Variants in HSCB observed in about 807,000 individuals in gnomAD.
HSCB encodes HscB mitochondrial iron-sulfur cluster cochaperone, also known as iron-sulfur cluster co-chaperone protein HscB.
Under a neutral mutation model 31.3 loss-of-function variants are expected in HSCB, and 23 were observed. The ratio of observed to expected loss-of-function variants is 0.74; its 90% CI spans 0.53 to 1.04. The LOEUF is 1.04. Ranked by LOEUF, HSCB falls within the 50% of genes least tolerant of loss-of-function variation. HSCB has a pLI of 0.00. For synonymous variants in HSCB, 110 were observed against 104.5 expected (o/e 1.05, Z -0.32); for missense variants, 297 against 288.1 (o/e 1.03, Z -0.22).
At chr22:28,750,272 A>C (rs1034903900) in intron 4 of HSCB, among the ~76,000 whole-genome samples, 26 of 135,516 alleles carry the variant, frequency 1.9e-4, no homozygotes, top group African/African-American at 6.0e-4. Context: ...AAAAAAAAAA[A>C]AAAACACTTA....
chr22:28,747,041 G>A (rs950616255), intron 4 of HSCB, among the ~76,000 whole-genome samples: 28 of 152,206 alleles, frequency 1.8e-4, no homozygotes, highest in Non-Finnish European at 1.9e-4. Flanking sequence ...TCCAGCCTGA[G>A]TGACAGAGTG....
chr22:28,755,758 A>G (rs1269913449), intron 5 of HSCB, among the ~76,000 whole-genome samples: 1 of 152,124 alleles, frequency 6.6e-6, no homozygotes, highest in African/African-American at 2.4e-5. Context: ...AGGTTTTCTC[A>G]ACCTTGGCAC....
At chr22:28,753,568 G>A (rs1463029138) in intron 5 of HSCB, among the ~76,000 whole-genome samples, 1 of 152,120 alleles carries the variant, frequency 6.6e-6, no homozygotes, top group Non-Finnish European at 1.5e-5. Context: ...GCCGGGCACG[G>A]TGGCTCACGC....
Position 28,744,595 on chromosome 22 carries a change from A to T in HSCB, c.334-20A>T. 6.5e-7 allele frequency: 1 copy of T among 1,544,116 alleles called. No homozygotes were observed. Among genetic ancestry groups the T allele is most frequent in the Admixed American group, 1.7e-5 (1 of 59,898 alleles). ...TTGTGATTTGGATGGTAATAGTACT[A>T]TCTTCATCTCCACTAACAGACTGAA... On this transcript the variant is annotated intron_variant, in intron 2 of 5. Transcript: ENST00000216027.
intron 5 of HSCB, among the ~76,000 whole-genome samples, chr22:28,754,461 G>A (rs180749889): frequency 6.6e-6 from 1 of 151,682 alleles, no homozygotes; most frequent in Admixed American, 6.6e-5. Flanking sequence ...TCTCAGGGCA[G>A]GAATTTGAGA....
At chr22:28,744,280 AGTG>A (rs2054645721) in intron 2 of HSCB, among the ~76,000 whole-genome samples, 1 of 152,248 alleles carries the variant, frequency 6.6e-6, no homozygotes, top group African/African-American at 2.4e-5. Context: ...GGCCTGGCAC[AGTG>A]ACTCACGCCT....
intron 2 of HSCB, 67 bp from the exon 3 acceptor site, chr22:28,744,548 C>T (rs1164820918): frequency 8.0e-7 from 1 of 1,245,252 alleles, no homozygotes; most frequent in Non-Finnish European, 1.2e-6. Context: ...AACGTCAAAA[C>T]AAAAACAAAA....
chr22:28,757,180 TTTAAAGTTTAAAAA>T lies in HSCB; in HGVS notation c.*12_*25del. The T allele has an allele frequency of 7.3e-7, 1 of 1,369,864 alleles. No homozygotes were observed. The highest frequency in any genetic ancestry group is 1.0e-6 in the Non-Finnish European group (1 of 961,474). The allele number at this position is 1,369,864 out of a possible 1,614,324, so 84.9% of individuals were successfully genotyped here. A position where few individuals can be genotyped will look rare whatever the true frequency, so the allele number is the denominator to read the frequency against. ...AAGATTCCCCTTTAATTGTGGATAG[TTTAAAGTTTAAAAA>T]ATAAAGTTCTTGCTGGGCACAGTGG... On this transcript the variant is annotated 3_prime_UTR_variant, in exon 6 of 6. Coordinates refer to ENST00000216027, the MANE Select transcript of HSCB (RefSeq NM_172002.5).
chr22:28,746,480 CAG>C (rs1410493055), intron 4 of HSCB, among the ~76,000 whole-genome samples: 2 of 151,454 alleles, frequency 1.3e-5, no homozygotes, highest in African/African-American at 4.9e-5. Flanking sequence ...GGGCTGGGCA[CAG>C]TGGCTCATGC....
At chr22:28,755,820 A>G (rs1050442529) in intron 5 of HSCB, among the ~76,000 whole-genome samples, 33 of 152,158 alleles carry the variant, frequency 2.2e-4, no homozygotes, top group African/African-American at 7.7e-4. Flanking sequence ...TGTCCTGAGT[A>G]CTATAAGATG....
intron 5 of HSCB, among the ~76,000 whole-genome samples, chr22:28,753,152 C>T (rs1368579915): frequency 6.6e-6 from 1 of 151,932 alleles, no homozygotes; most frequent in African/African-American, 2.4e-5. Flanking sequence ...GAAAGGAAGA[C>T]CATTGGAGAA....
chr22:28,753,483 G>T (rs1046451367), intron 5 of HSCB, among the ~76,000 whole-genome samples: 4 of 148,596 alleles, frequency 2.7e-5, no homozygotes, highest in Non-Finnish European at 5.9e-5. Flanking sequence ...AGCTGAGATC[G>T]CACCATTGCA....
chr22:28,742,212 C>A lies in HSCB; in HGVS notation c.117C>A (p.Pro39=). 1.2e-6 allele frequency: 2 copies of A among 1,613,956 alleles called. No homozygotes were observed. The highest frequency in any genetic ancestry group is 1.7e-6 in the Non-Finnish European group (2 of 1,179,980). The change falls in exon 1 of 6, where the codon CCC becomes CCA. Residue 39 remains proline (P), a synonymous_variant. Coordinates refer to ENST00000216027, the MANE Select transcript of HSCB (RefSeq NM_172002.5). ...DAASQAGSNY[P]RCWNCGGPWG... ...CGTCGCAGGCGGGAAGCAATTATCCCCGCTGTTGGAACTGCGGCGGCCCAT... is the reference window on the plus strand; with the variant it reads ...CGTCGCAGGCGGGAAGCAATTATCCACGCTGTTGGAACTGCGGCGGCCCAT...
chr22:28,756,970 G>T lies in HSCB; in HGVS notation c.617-108G>T, dbSNP rs1431691779. ...CTCAGTCTTACTGAGGAATTGATGA[G>T]CCCTCCGGACCCCAGGGCTCCACTT... On this transcript the variant is annotated intron_variant, in intron 5 of 5. Coordinates refer to ENST00000216027, the MANE Select transcript of HSCB (RefSeq NM_172002.5). 6 of 726,170 alleles carry T rather than the reference G, an allele frequency of 8.3e-6. No homozygotes were observed. In the African/African-American group the frequency reaches 1.1e-4, roughly 13 times the overall value. The allele number at this position is 726,170 out of a possible 1,614,324, so 45.0% of individuals were successfully genotyped here. A position where few individuals can be genotyped will look rare whatever the true frequency, so the allele number is the denominator to read the frequency against.
At position 28,746,329 on chromosome 22, in the gene HSCB, G is replaced by A. The variant is rs184113610; in HGVS notation, c.568+321G>A. 4.7e-4 allele frequency among the ~76,000 whole-genome samples: 69 copies of A among 148,100 alleles called. No homozygotes were observed. In the East Asian group the frequency reaches 0.01, roughly 22 times the overall value. On this transcript the variant is annotated intron_variant, in intron 4 of 5. Coordinates refer to ENST00000216027, the MANE Select transcript of HSCB (RefSeq NM_172002.5). ...CCGAGAGGCAGAGATTGCAGTAAGC[G>A]GAGATCAGGCCACTGCACTCCAGCC... is the stretch of plus-strand genomic sequence containing the variant.
chr22:28,754,389 G>T (rs1343584211), intron 5 of HSCB, among the ~76,000 whole-genome samples: 2 of 151,866 alleles, frequency 1.3e-5, no homozygotes, highest in Non-Finnish European at 2.9e-5. Flanking sequence ...TCTGTGGAAG[G>T]TCAGGCACGG....
In HSCB at chr22:28,750,247, C is replaced by CAAAAAAA. The variant is rs563701958; in HGVS notation, c.569-971_569-965dup. ...CTGGGCAACAAGAGCGAAACTGTCT[C>CAAAAAAA]AAAAAAAAAAAAAAAAAAAAAAAAA... On this transcript the variant is annotated intron_variant, in intron 4 of 5. Transcript: ENST00000216027. Among the ~76,000 whole-genome samples, 6 of 64,698 alleles carry CAAAAAAA rather than the reference C, an allele frequency of 9.3e-5. 1 individual carries two copies. The highest frequency in any genetic ancestry group is 4.7e-4 in the South Asian group (1 of 2,130). The allele number at this position is 64,698 out of a possible 152,430, so 42.4% of individuals were successfully genotyped here.
intron 2 of HSCB, among the ~76,000 whole-genome samples, 184 bp downstream of exon 2, chr22:28,744,162 A>G (rs1406277373): frequency 2.6e-5 from 4 of 152,232 alleles, no homozygotes; most frequent in African/African-American, 9.6e-5. Context: ...CTGACTTCCC[A>G]GATAACTTAA....
At chr22:28,742,487 C>T in intron 1 of HSCB, 156 bp downstream of exon 1, 1 of 1,319,724 alleles carries the variant, frequency 7.6e-7, no homozygotes, top group Non-Finnish European at 1.0e-6. Context: ...GTCTTGATTT[C>T]TCAGGAGGAA....
Sources: allele counts gnomAD v4.1 joint callset (sites outside exome capture counted in the v4.1 genomes callset), GRCh38; gene constraint gnomAD v4.1.1; transcripts MANE v1.5; gene names NCBI Gene and HGNC (gene_info 2026-07-23, HGNC 2026-07-21).